The following DPY19L1 variants were observed in gnomAD, a reference collection of about 807,000 sequenced individuals.
The protein encoded by DPY19L1 is protein C-mannosyl-transferase DPY19L1.
DPY19L1 carries 35 observed loss-of-function variants against 96.9 expected under a neutral mutation model. The observed-to-expected ratio is 0.36, with a 90% CI of 0.28 to 0.48. The LOEUF is 0.48. Among genes scored for constraint, DPY19L1 ranks in the 20% least tolerant of loss-of-function variants. The pLI is 0.99. For synonymous variants in DPY19L1, 205 were observed against 252.6 expected, an observed-to-expected ratio of 0.81 and a Z score of 1.79; for missense variants, 521 against 777.9, an observed-to-expected ratio of 0.67 and a Z score of 3.93.
intron 16 of DPY19L1, among the ~76,000 whole-genome samples, chr7:34,943,651 A>T (rs143584425): frequency 2.0e-5 from 3 of 152,192 alleles, no homozygotes; most frequent in African/African-American, 7.2e-5. Context: ...TCCTCTTCCA[A>T]AAAAGAGCTC....
chr7:35,016,008 A>C (rs1253056247), intron 3 of DPY19L1, among the ~76,000 whole-genome samples: 2 of 152,268 alleles, frequency 1.3e-5, no homozygotes, highest in Non-Finnish European at 2.9e-5. Context: ...TAAGTAAAAA[A>C]AAATCTAATC....
At chr7:34,961,235 C>T (rs963850750) in intron 10 of DPY19L1, among the ~76,000 whole-genome samples, 3 of 152,154 alleles carry the variant, frequency 2.0e-5, no homozygotes, top group African/African-American at 7.2e-5. Flanking sequence ...GACACTACCC[C>T]ACTTCAAGAC....
intron 7 of DPY19L1, among the ~76,000 whole-genome samples, chr7:34,981,936 T>G (rs1200627392): frequency 2.0e-5 from 3 of 152,050 alleles, no homozygotes; most frequent in Non-Finnish European, 4.4e-5. Context: ...GGCAGCAGAG[T>G]GAGACCCTGT....
chr7:34,988,418 G>C (rs1171694473), intron 7 of DPY19L1, among the ~76,000 whole-genome samples: 1 of 151,468 alleles, frequency 6.6e-6, no homozygotes, highest in Non-Finnish European at 1.5e-5. Context: ...CCACAGTCAG[G>C]AAAAACCAAA....
chr7:35,010,238 A>T (rs1254586931), intron 6 of DPY19L1, among the ~76,000 whole-genome samples: 5 of 152,172 alleles, frequency 3.3e-5, no homozygotes, highest in Middle Eastern at 3.2e-3. Context: ...TCAAAAAAAA[A>T]AGTAATTAAA....
At chr7:35,031,614 T>C (rs980472817) in intron 1 of DPY19L1, among the ~76,000 whole-genome samples, 1 of 152,222 alleles carries the variant, frequency 6.6e-6, no homozygotes, top group Non-Finnish European at 1.5e-5. Context: ...CAAATACCCA[T>C]ATGTACATAA....
At chr7:34,937,561 T>C (rs1783895608) in intron 21 of DPY19L1, among the ~76,000 whole-genome samples, 1 of 152,212 alleles carries the variant, frequency 6.6e-6, no homozygotes, top group Non-Finnish European at 1.5e-5. Flanking sequence ...TTTAAGGTAG[T>C]ATACACATAC....
intron 11 of DPY19L1, among the ~76,000 whole-genome samples, chr7:34,956,625 T>A (rs1298586831): frequency 1.3e-5 from 2 of 151,838 alleles, no homozygotes; most frequent in East Asian, 3.9e-4. Flanking sequence ...TGCCTCAGCC[T>A]CCTGAGTAGC....
intron 8 of DPY19L1, among the ~76,000 whole-genome samples, chr7:34,970,767 A>G (rs2077231): frequency 0.057 from 8,721 of 151,988 alleles, 862 homozygotes; most frequent in African/African-American, 0.2. Flanking sequence ...TGAACAGAAA[A>G]CAAAGAAAAT....
At chr7:35,006,608 T>C (rs938713403) in intron 6 of DPY19L1, among the ~76,000 whole-genome samples, 9 of 152,010 alleles carry the variant, frequency 5.9e-5, no homozygotes, top group Non-Finnish European at 1.2e-4. Context: ...TATAAATCAA[T>C]ACAGCTTCAA....
chr7:34,983,874 T>C (rs4143015), intron 7 of DPY19L1, among the ~76,000 whole-genome samples: 1 of 152,104 alleles, frequency 6.6e-6, no homozygotes, highest in East Asian at 1.9e-4. Context: ...AAAACAAAAG[T>C]GTTCAATGAA....
At chr7:34,952,816 A>C (rs1784295727) in intron 13 of DPY19L1, among the ~76,000 whole-genome samples, 1 of 152,158 alleles carries the variant, frequency 6.6e-6, no homozygotes, top group Admixed American at 6.5e-5. Context: ...AAATTGGACA[A>C]AATTATAAAA....
chr7:34,932,592 T>TA (rs1783777161), intron 21 of DPY19L1, among the ~76,000 whole-genome samples: 1 of 152,174 alleles, frequency 6.6e-6, no homozygotes, highest in Non-Finnish European at 1.5e-5. Flanking sequence ...CTAGAATGAA[T>TA]CAATTTAAAG....
At chr7:35,006,045 C>G (rs933810327) in intron 6 of DPY19L1, among the ~76,000 whole-genome samples, 4 of 152,114 alleles carry the variant, frequency 2.6e-5, no homozygotes, top group African/African-American at 9.7e-5. Context: ...CAGTATTGTA[C>G]TCCCTCTTTT....
intron 3 of DPY19L1, among the ~76,000 whole-genome samples, chr7:35,014,444 T>C (rs139337590): frequency 0.01 from 1,545 of 151,574 alleles, 23 homozygotes; most frequent in African/African-American, 0.034. Context: ...AGAGTCTAAG[T>C]GGCAGTATGA....
At position 34,990,036 on chromosome 7, in the gene DPY19L1, A is replaced by G. The variant is rs536492613; in HGVS notation, c.765-95T>C. Reference sequence around the variant, plus strand: ...ATAATATCATAACCACTGGTATTATATAAGATTTTATAGTCATACTAGAAC... The same window carrying G: ...ATAATATCATAACCACTGGTATTATGTAAGATTTTATAGTCATACTAGAAC... On this transcript the variant is annotated intron_variant, in intron 6 of 21. Transcript: ENST00000638088. 105 of 896,914 alleles carry G rather than the reference A, an allele frequency of 1.2e-4. No homozygotes were observed. The African/African-American group carries it at 1.4e-3, about 12-fold the overall frequency. 55.6% of individuals were successfully genotyped at this position (896,914 alleles called of 1,614,324 possible).
intron 18 of DPY19L1, among the ~76,000 whole-genome samples, chr7:34,941,079 T>C (rs1300111616): frequency 2.6e-5 from 4 of 152,176 alleles, no homozygotes; most frequent in Admixed American, 6.5e-5. Flanking sequence ...TTCAAGTTTC[T>C]TGAGGGCTTA....
chr7:34,935,281 G>A (rs1783846380), intron 21 of DPY19L1, among the ~76,000 whole-genome samples: 2 of 152,198 alleles, frequency 1.3e-5, no homozygotes, highest in African/African-American at 4.8e-5. Context: ...TTTGCCTTGT[G>A]CAACACTATT....
chr7:34,940,388 C>A, intron 18 of DPY19L1, 61 bp from the exon 19 acceptor site: 2 of 1,431,636 alleles, frequency 1.4e-6, no homozygotes, highest in South Asian at 1.5e-5. Flanking sequence ...ATCTGTTATG[C>A]AAAACTTCTT....
Sources: gnomAD v4.1 joint callset for allele counts (sites outside exome capture counted in the v4.1 genomes callset) on GRCh38, gnomAD v4.1.1 for gene constraint, MANE v1.5 for transcripts, NCBI Gene and HGNC (gene_info 2026-07-23, HGNC 2026-07-21) for gene names.